The following ANKRD24 variants were observed in gnomAD, a reference collection of about 807,000 sequenced individuals.
The protein encoded by ANKRD24 is ankyrin repeat domain 24.
ANKRD24 carries 109 observed loss-of-function variants against 127.8 expected under a neutral mutation model. The ratio of observed to expected loss-of-function variants is 0.85; its 90% CI spans 0.73 to 1.00. The LOEUF is 1.00. Among genes scored for constraint, ANKRD24 ranks in the 50% least tolerant of loss-of-function variants. The probability of loss-of-function intolerance (pLI) is 0.00; values close to 1 mark genes in which losing one functional copy is unlikely to be tolerated. For synonymous variants in ANKRD24, 743 were observed against 671.1 expected, an observed-to-expected ratio of 1.11 and a Z score of -1.66; for missense variants, 1,648 against 1,570.2, an observed-to-expected ratio of 1.05 and a Z score of -0.84.
In ANKRD24 at chr19:4,223,398, TATA is replaced by T. The variant is rs1316422766; in HGVS notation, c.3297+604_3297+606del. On this transcript the variant is annotated intron_variant, in intron 20 of 21. Transcript: ENST00000318934. ...ATATATATATATATATATATATATA[TATA>T]TTTTTTTTTTTTTTTTTTTGAGCCA... is the stretch of plus-strand genomic sequence containing the variant. Among the ~76,000 whole-genome samples the T allele has an allele frequency of 7.9e-3, 419 of 53,044 alleles. 3 individuals carry two copies. Among genetic ancestry groups the T allele is most frequent in the African/African-American group, 0.027 (307 of 11,252 alleles). The allele number at this position is 53,044 out of a possible 152,430, so 34.8% of individuals were successfully genotyped here. A position where few individuals can be genotyped will look rare whatever the true frequency, so the allele number is the denominator to read the frequency against.
At chr19:4,196,770 G>A (rs976118153) in intron 2 of ANKRD24, among the ~76,000 whole-genome samples, 4 of 152,098 alleles carry the variant, frequency 2.6e-5, no homozygotes, top group African/African-American at 7.2e-5. Context: ...TCCAGTGGGC[G>A]CTCAATAAAT....
At chr19:4,208,989 G>T in intron 11 of ANKRD24, 188 bp downstream of exon 11, 22 of 462,944 alleles carry the variant, frequency 4.8e-5, no homozygotes, top group Non-Finnish European at 6.5e-5. Context: ...AGAACTGGGT[G>T]AGAATACTGG....
Position 4,216,880 on chromosome 19 carries a change from GC to G in ANKRD24, c.1722del (p.Arg575GlyfsTer123). The G allele has an allele frequency of 6.2e-7, 1 of 1,611,720 alleles. No homozygotes were observed. The highest frequency in any genetic ancestry group is 8.5e-7 in the Non-Finnish European group (1 of 1,179,006). ...GGCTGCAGGAGATGAAACCATGGAA[GC>G]CAGGACTATGGAAGCTGAGGCCACG... is the stretch of plus-strand genomic sequence containing the variant. ...EEAAGDETMEARTMEAEATGA... is the reference protein window; with the variant it reads ...EEAAGDETMEXRTMEAEATGA... On this transcript the variant is annotated frameshift_variant, in exon 18 of 22. Coordinates refer to ENST00000318934, the MANE Select transcript of ANKRD24 (RefSeq NM_001393985.1). LOFTEE classifies it high-confidence loss of function.
At chr19:4,204,219 C>G (rs1271207512) in intron 7 of ANKRD24, among the ~76,000 whole-genome samples, 1 of 151,860 alleles carries the variant, frequency 6.6e-6, no homozygotes, top group Admixed American at 6.6e-5. Flanking sequence ...CCTGCTCGGC[C>G]TCCCAAAGTG....
At chr19:4,213,796 G>A (rs1462661829) in intron 15 of ANKRD24, among the ~76,000 whole-genome samples, 2 of 151,948 alleles carry the variant, frequency 1.3e-5, no homozygotes, top group Admixed American at 6.6e-5. Context: ...CATCACACCC[G>A]GCTAATTTTT....
intron 2 of ANKRD24, among the ~76,000 whole-genome samples, chr19:4,194,079 A>G (rs1233724988): frequency 6.6e-6 from 1 of 152,204 alleles, no homozygotes; most frequent in East Asian, 1.9e-4. Context: ...CATATCCTGC[A>G]TGTGGCATCC....
At chr19:4,192,146 T>G (rs1968420371) in intron 2 of ANKRD24, among the ~76,000 whole-genome samples, 1 of 151,868 alleles carries the variant, frequency 6.6e-6, no homozygotes, top group Non-Finnish European at 1.5e-5. Flanking sequence ...TGATCCCCCT[T>G]GGGCTGTCCG....
In ANKRD24 at chr19:4,198,209, G is replaced by A; in HGVS notation, c.37-1474G>A. On this transcript the variant is annotated intron_variant, in intron 2 of 21. Coordinates refer to ENST00000318934, the MANE Select transcript of ANKRD24 (RefSeq NM_001393985.1). The surrounding 1 kb of genome is among the most constrained non-coding windows in gnomAD (Gnocchi z 6.1). ...GCCGCGTCCTCCTCATCCTCCAGGC[G>A]ACAAGGTCAGGAGGGGCCGGGGCGG... 1 of 572,510 alleles carries A rather than the reference G, an allele frequency of 1.7e-6. No individual in the cohort carries two copies. The highest frequency in any genetic ancestry group is 2.0e-5 in the South Asian group (1 of 49,054). 35.5% of individuals were successfully genotyped at this position (572,510 alleles called of 1,614,324 possible). A position where few individuals can be genotyped will look rare whatever the true frequency, so the allele number is the denominator to read the frequency against.
chr19:4,212,420 G>C (rs1340358546), intron 13 of ANKRD24, 55 bp from the exon 14 acceptor site: 1 of 1,547,618 alleles, frequency 6.5e-7, no homozygotes, highest in African/African-American at 1.4e-5. Context: ...GCAGGAGGTG[G>C]GGCAGGGAGG....
chr19:4,221,429 C>T (rs1970436856), intron 19 of ANKRD24, among the ~76,000 whole-genome samples: 1 of 151,740 alleles, frequency 6.6e-6, no homozygotes, highest in Non-Finnish European at 1.5e-5. Context: ...GGGGTTTCAC[C>T]ATATTGCCCA....
At position 4,223,396 on chromosome 19, in the gene ANKRD24, TATA is replaced by T. The variant is rs1384541399; in HGVS notation, c.3297+602_3297+604del. On this transcript the variant is annotated intron_variant, in intron 20 of 21. Coordinates refer to ENST00000318934, the MANE Select transcript of ANKRD24 (RefSeq NM_001393985.1). ...ACATATATATATATATATATATATATATATATTTTTTTTTTTTTTTTTTTGAGC... is the reference window on the plus strand; with the variant it reads ...ACATATATATATATATATATATATATTATTTTTTTTTTTTTTTTTTTGAGC... Among the ~76,000 whole-genome samples the T allele has an allele frequency of 2.0e-3, 120 of 60,828 alleles. 1 individual carries two copies. The highest frequency in any genetic ancestry group is 4.0e-3 in the African/African-American group (49 of 12,196). 39.9% of individuals were successfully genotyped at this position (60,828 alleles called of 152,430 possible). A position where few individuals can be genotyped will look rare whatever the true frequency, so the allele number is the denominator to read the frequency against.
intron 2 of ANKRD24, 103 bp downstream of exon 2, chr19:4,186,564 T>C: frequency 7.5e-7 from 1 of 1,327,552 alleles, no homozygotes; most frequent in Admixed American, 2.0e-5. Flanking sequence ...TACCCACCTC[T>C]TCTCCTTTCC....
chr19:4,210,131 C>T lies in ANKRD24; in HGVS notation c.944C>T (p.Pro315Leu), dbSNP rs1238602558. The change falls in exon 12 of 22, where the codon CCC becomes CTC. Residue 315 changes from proline to leucine, a missense_variant. Transcript: ENST00000318934. Reference sequence around the variant, plus strand: ...GCGCCTCCACCTCCCGCCAGCATTCCCATGCCGGTGAGAGATGCTCTGGGC... The same window carrying T: ...GCGCCTCCACCTCCCGCCAGCATTCTCATGCCGGTGAGAGATGCTCTGGGC... ...RKAPPPPASI[P>L]MPDDRDAYEE... The T allele has an allele frequency of 2.5e-6, 4 of 1,608,678 alleles. No homozygotes were observed. Among genetic ancestry groups the T allele is most frequent in the African/African-American group, 1.3e-5 (1 of 74,942 alleles).
In ANKRD24 at chr19:4,219,509, G is replaced by T. The variant is rs1970327981; in HGVS notation, c.3004-82G>T. 2.7e-6 allele frequency: 4 copies of T among 1,476,004 alleles called. No homozygotes were observed. The South Asian group carries it at 5.4e-5, about 20-fold the overall frequency. The allele number at this position is 1,476,004 out of a possible 1,614,324, so 91.4% of individuals were successfully genotyped here. The stretch of plus-strand genomic sequence containing the variant: ...AAAAATCCAAAAACAAAAGAACAAA[G>T]TAGAAGGATCATATGAATTCTGGGG... On this transcript the variant is annotated intron_variant, in intron 18 of 21. Transcript: ENST00000318934.
At chr19:4,219,861 C>A (rs1970352572) in intron 19 of ANKRD24, 103 bp downstream of exon 19, 4 of 1,310,182 alleles carry the variant, frequency 3.1e-6, no homozygotes, top group Non-Finnish European at 4.0e-6. Flanking sequence ...GAAAATCAAC[C>A]CATTTTCCAG....
chr19:4,217,603 C>T lies in ANKRD24; in HGVS notation c.2443C>T (p.Leu815=). The T allele has an allele frequency of 7.7e-7, 1 of 1,299,572 alleles. No individual in the cohort carries two copies. The highest frequency in any genetic ancestry group is 1.6e-5 in the African/African-American group (1 of 63,998). The allele number at this position is 1,299,572 out of a possible 1,614,324, so 80.5% of individuals were successfully genotyped here. A position where few individuals can be genotyped will look rare whatever the true frequency, so the allele number is the denominator to read the frequency against. Residue 815 remains leucine, a synonymous_variant, in exon 18 of 22, where the codon CTG becomes TTG. Transcript: ENST00000318934. Reference sequence around the variant, plus strand: ...GGAGCTGGAGGCGGCCTCGGCCTGCCTGGATGAGGCTCGGGCCAGCCGGCT... The same window carrying T: ...GGAGCTGGAGGCGGCCTCGGCCTGCTTGGATGAGGCTCGGGCCAGCCGGCT... ...LRELEAASAC[L]DEARASRLLA...
chr19:4,217,646 C>A lies in ANKRD24; in HGVS notation c.2486C>A (p.Ala829Glu). ...RASRLLAEEEARGLRAELAQR... is the reference protein window; with the variant it reads ...RASRLLAEEEERGLRAELAQR... The stretch of plus-strand genomic sequence containing the variant: ...AGCCGGCTGCTGGCGGAGGAGGAGG[C>A]GCGGGGCCTGCGGGCCGAGCTGGCC... The change falls in exon 18 of 22, where the codon GCG becomes GAG. Residue 829 changes from alanine to glutamate, a missense_variant. Coordinates refer to ENST00000318934, the MANE Select transcript of ANKRD24 (RefSeq NM_001393985.1). The A allele has an allele frequency of 5.4e-6, 7 of 1,285,484 alleles. No homozygotes were observed. Among genetic ancestry groups the A allele is most frequent in the Non-Finnish European group, 6.9e-6 (7 of 1,019,866 alleles). The allele number at this position is 1,285,484 out of a possible 1,614,324, so 79.6% of individuals were successfully genotyped here. A position where few individuals can be genotyped will look rare whatever the true frequency, so the allele number is the denominator to read the frequency against.
At chr19:4,203,075 TCTCA>T in intron 7 of ANKRD24, 149 bp downstream of exon 7, 1 of 691,984 alleles carries the variant, frequency 1.4e-6, no homozygotes, top group Non-Finnish European at 2.3e-6. Flanking sequence ...TGAGACGGAG[TCTCA>T]CTCTGTTGCC....
In ANKRD24 at chr19:4,195,492, C is replaced by T. The variant is rs1433063148; in HGVS notation, c.37-4191C>T. Among the ~76,000 whole-genome samples the T allele has an allele frequency of 3.9e-5, 6 of 152,146 alleles. No individual in the cohort carries two copies. Among genetic ancestry groups the T allele is most frequent in the African/African-American group, 9.7e-5 (4 of 41,432 alleles). ...CTCTGGAGAAGCTCAGAGGACCTCC[C>T]CACCCCCAAGGGTGGAAGGAGAGAA... On this transcript the variant is annotated intron_variant, in intron 2 of 21. Coordinates refer to ENST00000318934, the MANE Select transcript of ANKRD24 (RefSeq NM_001393985.1). The surrounding 1 kb of genome is among the most constrained non-coding windows in gnomAD (Gnocchi z 4.2).
Sources: gnomAD v4.1 joint callset for allele counts (sites outside exome capture counted in the v4.1 genomes callset) on GRCh38, gnomAD v4.1.1 for gene constraint, Gnocchi (gnomAD v3.1) non-coding constraint, MANE v1.5 for transcripts, NCBI Gene and HGNC (gene_info 2026-07-23, HGNC 2026-07-21) for gene names.